The following ASIC2 variants were observed in gnomAD, a reference collection of about 807,000 sequenced individuals.
The protein encoded by ASIC2 is acid-sensing ion channel 2.
ASIC2 carries 25 observed loss-of-function variants against 57.3 expected under a neutral mutation model. That is an observed-to-expected ratio of 0.44 (90% CI 0.32 to 0.61). The LOEUF is 0.61. Ranked by LOEUF, ASIC2 falls within the 20% of genes least tolerant of loss-of-function variation. The pLI is 0.06. For synonymous variants in ASIC2, 319 were observed against 307.5 expected, an observed-to-expected ratio of 1.04 and a Z score of -0.39; for missense variants, 641 against 738.1, an observed-to-expected ratio of 0.87 and a Z score of 1.52.
chr17:33,344,432 G>A (rs929924389), intron 1 of ASIC2, among the ~76,000 whole-genome samples: 6 of 152,158 alleles, frequency 3.9e-5, no homozygotes, highest in African/African-American at 1.4e-4. Flanking sequence ...GGAGCAGATA[G>A]TAGCTTCCTG....
chr17:33,758,125 T>A (rs1403518532), intron 1 of ASIC2, among the ~76,000 whole-genome samples: 49 of 152,234 alleles, frequency 3.2e-4, no homozygotes, highest in Non-Finnish European at 2.9e-5. Context: ...ACATGGTGGC[T>A]GAAGATCATG....
At chr17:33,459,307 A>G (rs909720430) in intron 1 of ASIC2, among the ~76,000 whole-genome samples, 1 of 152,020 alleles carries the variant, frequency 6.6e-6, no homozygotes, top group Non-Finnish European at 1.5e-5. Flanking sequence ...GTTGCCGAGT[A>G]CTGTGTTCAA....
chr17:33,253,020 G>A (rs373027824), intron 1 of ASIC2, among the ~76,000 whole-genome samples: 21 of 152,142 alleles, frequency 1.4e-4, no homozygotes, highest in Non-Finnish European at 1.5e-4. Flanking sequence ...AGCTCCAATC[G>A]AAATAACATT....
chr17:33,304,257 C>T (rs1032661260), intron 1 of ASIC2, among the ~76,000 whole-genome samples: 18 of 152,202 alleles, frequency 1.2e-4, no homozygotes, highest in African/African-American at 4.3e-4. Context: ...CACATCACAA[C>T]TTCAGTGAAA....
chr17:33,612,877 T>TCCA (rs1905455754), intron 1 of ASIC2, among the ~76,000 whole-genome samples: 1 of 152,196 alleles, frequency 6.6e-6, no homozygotes, highest in South Asian at 2.1e-4. Context: ...ACAAATACAT[T>TCCA]GCTGTTGTAC....
intron 1 of ASIC2, among the ~76,000 whole-genome samples, chr17:33,147,057 T>C (rs1158936057): frequency 6.6e-6 from 1 of 152,246 alleles, no homozygotes; most frequent in East Asian, 1.9e-4. Flanking sequence ...TGCTTATTTT[T>C]ATTCCACATC....
intron 1 of ASIC2, among the ~76,000 whole-genome samples, chr17:33,612,298 A>G (rs1189342062): frequency 3.3e-5 from 5 of 152,194 alleles, no homozygotes; most frequent in African/African-American, 1.2e-4. Context: ...AAAATTGGTC[A>G]TCACAAAGGG....
intron 1 of ASIC2, among the ~76,000 whole-genome samples, chr17:33,186,894 T>A (rs924836808): frequency 6.6e-6 from 1 of 152,222 alleles, no homozygotes; most frequent in African/African-American, 2.4e-5. Flanking sequence ...TCTACTCTTT[T>A]TCTATGCAAC....
rs1567671337 is a variant in ASIC2, at chr17:33,620,250, A to AAC, written c.556-508184_556-508183insGT. Among the ~76,000 whole-genome samples the AAC allele has an allele frequency of 3.3e-5, 5 of 151,578 alleles. 1 individual carries two copies. The highest frequency in any genetic ancestry group is 1.2e-4 in the African/African-American group (5 of 41,268). ...CAAGCAGAGGAAAATGAAAAAAAAAAAAAAAAAAAAACACGTCCTGCATTT... is the reference window on the plus strand; with the variant it reads ...CAAGCAGAGGAAAATGAAAAAAAAAAACAAAAAAAAAAACACGTCCTGCATTT... On this transcript the variant is annotated intron_variant, in intron 1 of 9. Coordinates refer to the ASIC2 transcript ENST00000359872.
At chr17:33,165,098 G>A (rs1025115322) in intron 1 of ASIC2, among the ~76,000 whole-genome samples, 7 of 152,214 alleles carry the variant, frequency 4.6e-5, no homozygotes, top group Non-Finnish European at 1.0e-4. Flanking sequence ...CTGGACACTG[G>A]CTCAGGAGGC....
intron 1 of ASIC2, among the ~76,000 whole-genome samples, chr17:33,943,429 G>A (rs969784270): frequency 5.3e-5 from 8 of 152,146 alleles, no homozygotes; most frequent in African/African-American, 9.7e-5. Flanking sequence ...CATTTGCATG[G>A]CACTTTATAG....
intron 1 of ASIC2, among the ~76,000 whole-genome samples, chr17:33,232,240 G>A (rs1908118833): frequency 6.6e-6 from 1 of 152,154 alleles, no homozygotes; most frequent in Non-Finnish European, 1.5e-5. Context: ...CAAGGACACA[G>A]TGAGAAGGAG....
At chr17:33,294,618 CAA>C (rs1491394953), upstream of ASIC2, among the ~76,000 whole-genome samples, 2 of 151,792 alleles carry the variant, frequency 1.3e-5, no homozygotes, top group African/African-American at 4.9e-5. Context: ...CACATATACA[CAA>C]ACACACACAC....
intron 1 of ASIC2, among the ~76,000 whole-genome samples, chr17:33,700,226 A>C (rs1305728243): frequency 6.6e-6 from 1 of 152,060 alleles, no homozygotes; most frequent in African/African-American, 2.4e-5. Flanking sequence ...CTTCCTGCCG[A>C]CTCAGGGAAA....
intron 1 of ASIC2, among the ~76,000 whole-genome samples, chr17:33,550,214 A>C (rs1421570561): frequency 1.3e-5 from 2 of 152,160 alleles, no homozygotes; most frequent in African/African-American, 4.8e-5. Context: ...TATATTGTAG[A>C]AATAGTTTAT....
At chr17:33,680,231 T>A (rs1907957734) in intron 1 of ASIC2, among the ~76,000 whole-genome samples, 1 of 152,112 alleles carries the variant, frequency 6.6e-6, no homozygotes, top group African/African-American at 2.4e-5. Flanking sequence ...GAGGTGACTG[T>A]CATGATGTCC....
intron 1 of ASIC2, among the ~76,000 whole-genome samples, chr17:33,545,190 A>G (rs752304831): frequency 2.0e-5 from 3 of 152,194 alleles, no homozygotes; most frequent in Non-Finnish European, 2.9e-5. Flanking sequence ...AATTTCATTA[A>G]TCCTTTTTTA....
chr17:33,664,837 C>G (rs188291064), intron 1 of ASIC2, among the ~76,000 whole-genome samples: 1 of 152,104 alleles, frequency 6.6e-6, no homozygotes, highest in Non-Finnish European at 1.5e-5. Context: ...CGCAAGAAAC[C>G]GTGAGCTGAA....
chr17:33,777,483 G>C (rs1911320426), intron 1 of ASIC2, among the ~76,000 whole-genome samples: 1 of 152,144 alleles, frequency 6.6e-6, no homozygotes. Context: ...AAATGAGGCT[G>C]CCAAGGAAAG....
Sources: gnomAD v4.1 joint callset for allele counts (sites outside exome capture counted in the v4.1 genomes callset) on GRCh38, gnomAD v4.1.1 for gene constraint, MANE v1.5 for transcripts, NCBI Gene and HGNC (gene_info 2026-07-23, HGNC 2026-07-21) for gene names.